Variants in SOX5 observed in about 807,000 individuals in gnomAD.
SOX5 encodes the protein SRY-box transcription factor 5.
In SOX5, 9 loss-of-function variants were observed where a neutral mutation model predicts 92.0. The ratio of observed to expected loss-of-function variants is 0.10; its 90% confidence interval spans 0.06 to 0.17. The LOEUF is 0.17. Ranked by LOEUF, SOX5 falls within the 10% of genes least tolerant of loss-of-function variation. SOX5 has a pLI of 1.00. For missense variants in SOX5, 642 were observed against 944.5 expected (o/e 0.68, Z 4.20); for synonymous variants, 344 against 336.3 (o/e 1.02, Z -0.25).
intron 8 of SOX5, among the ~76,000 whole-genome samples, chr12:23,636,088 C>T (rs545863989): frequency 5.3e-5 from 8 of 152,228 alleles, no homozygotes; most frequent in African/African-American, 1.9e-4. Flanking sequence ...ATTTCCTCTT[C>T]ATAGTCAACA....
chr12:24,487,358 GTTTC>G (rs774552895), intron 1 of SOX5, among the ~76,000 whole-genome samples: 11 of 152,034 alleles, frequency 7.2e-5, no homozygotes, highest in Non-Finnish European at 1.3e-4. Context: ...TTAGGAAAAT[GTTTC>G]TTTATAAGTT....
chr12:24,452,340 T>C (rs982181778), intron 1 of SOX5, among the ~76,000 whole-genome samples: 2 of 152,144 alleles, frequency 1.3e-5, no homozygotes, highest in Admixed American at 1.3e-4. Flanking sequence ...GTTTAAAAAA[T>C]TATCCAACCT....
At chr12:23,770,093 A>G (rs959309993) in intron 3 of SOX5, among the ~76,000 whole-genome samples, 3 of 141,332 alleles carry the variant, frequency 2.1e-5, no homozygotes, top group Non-Finnish European at 4.5e-5. Flanking sequence ...TCACTTTTCA[A>G]TGATTAATTT....
At chr12:24,455,610 G>A (rs1942918956) in intron 1 of SOX5, among the ~76,000 whole-genome samples, 1 of 152,166 alleles carries the variant, frequency 6.6e-6, no homozygotes, top group South Asian at 2.1e-4. Flanking sequence ...CTCCAACTAT[G>A]TGCAGAGATT....
intron 4 of SOX5, among the ~76,000 whole-genome samples, chr12:23,970,841 A>ATATATATATATATATTT: frequency 9.1e-5 from 2 of 21,878 alleles, no homozygotes; most frequent in African/African-American, 2.5e-4. Context: ...TATATATATA[A>ATATATATATATATATTT]TTTTTTTTTT....
At chr12:24,129,882 G>T (rs1483747164) in intron 4 of SOX5, among the ~76,000 whole-genome samples, 1 of 152,120 alleles carries the variant, frequency 6.6e-6, no homozygotes, top group Non-Finnish European at 1.5e-5. Flanking sequence ...TTGTCCATTT[G>T]TTTTATTTTC....
intron 1 of SOX5, among the ~76,000 whole-genome samples, chr12:24,442,727 A>C (rs1940833948): frequency 6.6e-6 from 1 of 152,160 alleles, no homozygotes; most frequent in African/African-American, 2.4e-5. Flanking sequence ...CAAAGAAGTC[A>C]GTGTGGCTGG....
intron 4 of SOX5, among the ~76,000 whole-genome samples, chr12:24,096,658 T>C (rs1945449508): frequency 6.6e-6 from 1 of 152,240 alleles, no homozygotes; most frequent in Admixed American, 6.5e-5. Flanking sequence ...CTGAATAATA[T>C]TACATTGTAT....
At chr12:24,529,858 A>G (rs1243426984) in intron 1 of SOX5, among the ~76,000 whole-genome samples, 1 of 152,104 alleles carries the variant, frequency 6.6e-6, no homozygotes, top group Non-Finnish European at 1.5e-5. Flanking sequence ...TCTCTACTAA[A>G]AAATACAAAA....
chr12:24,307,358 T>C (rs1458120516), intron 2 of SOX5, among the ~76,000 whole-genome samples: 1 of 152,104 alleles, frequency 6.6e-6, no homozygotes, highest in Non-Finnish European at 1.5e-5. Context: ...TTTATACTTG[T>C]ATACACAGAC....
chr12:24,124,158 T>A (rs1259237928), intron 4 of SOX5, among the ~76,000 whole-genome samples: 1 of 152,222 alleles, frequency 6.6e-6, no homozygotes, highest in Non-Finnish European at 1.5e-5. Flanking sequence ...CCACCTGCTG[T>A]CCTGATCCAC....
At chr12:24,386,944 C>T (rs149186211) in intron 1 of SOX5, among the ~76,000 whole-genome samples, 48 of 152,202 alleles carry the variant, frequency 3.2e-4, no homozygotes, top group African/African-American at 1.1e-3. Context: ...CTTCCAAATC[C>T]CACATCCATT....
intron 3 of SOX5, among the ~76,000 whole-genome samples, chr12:23,771,187 C>CAAA (rs376988688): frequency 1.1e-3 from 124 of 108,582 alleles, no homozygotes; most frequent in African/African-American, 2.4e-3. Context: ...AAAAATGGAG[C>CAAA]AAAAAAAAAA....
intron 3 of SOX5, among the ~76,000 whole-genome samples, chr12:24,247,611 A>G (rs1055863207): frequency 1.3e-5 from 2 of 151,564 alleles, no homozygotes; most frequent in Non-Finnish European, 2.9e-5. Flanking sequence ...TCTTTACCCC[A>G]AAGCAATGCA....
intron 4 of SOX5, among the ~76,000 whole-genome samples, chr12:23,971,744 C>T (rs150460787): frequency 1.6e-3 from 238 of 152,048 alleles, no homozygotes; most frequent in African/African-American, 4.8e-3. Flanking sequence ...CCTGTTCATT[C>T]TTTGACCCTT....
chr12:23,801,352 C>T lies in SOX5; in HGVS notation c.481+44631G>A, dbSNP rs1317372711. Among the ~76,000 whole-genome samples, 12 of 152,216 alleles carry T rather than the reference C, an allele frequency of 7.9e-5. No homozygotes were observed. In the East Asian group the frequency reaches 2.3e-3, roughly 29 times the overall value. On this transcript the variant is annotated intron_variant, in intron 3 of 14. Transcript: ENST00000451604. ...AGAAAACAGTGTGACAGTTATAAGG[C>T]CTTCCTTCAATCTTCCAAACCCATT... is the stretch of plus-strand genomic sequence containing the variant.
rs559324352 is a variant in SOX5, at chr12:24,343,096, A to T, written c.-174+25467T>A. 6.6e-5 allele frequency among the ~76,000 whole-genome samples: 10 copies of T among 152,228 alleles called. No individual in the cohort carries two copies. The South Asian group carries it at 2.1e-3, about 32-fold the overall frequency. On this transcript the variant is annotated intron_variant, in intron 2 of 4. Coordinates refer to the SOX5 transcript ENST00000446891. ...CTTCACAAAGAGAATGTAGGGAAGT[A>T]AGGGGTTTGCATTATGGATCTAAAG...
intron 2 of SOX5, among the ~76,000 whole-genome samples, chr12:24,362,409 A>C (rs770922058): frequency 6.6e-6 from 1 of 152,206 alleles, no homozygotes; most frequent in Non-Finnish European, 1.5e-5. Context: ...TTTTAAAATT[A>C]CTGGTCTTGT....
chr12:23,651,445 T>TCATAACATATTCAACTAATTTC, intron 7 of SOX5, among the ~76,000 whole-genome samples: 1 of 152,096 alleles, frequency 6.6e-6, no homozygotes, highest in Non-Finnish European at 1.5e-5. Context: ...ACTTCAATTT[T>TCATAACATATTCAACTAATTTC]CATAACATAT....
Sources: gnomAD v4.1 joint callset for allele counts (sites outside exome capture counted in the v4.1 genomes callset) on GRCh38, gnomAD v4.1.1 for gene constraint, MANE v1.5 for transcripts, NCBI Gene and HGNC (gene_info 2026-07-23, HGNC 2026-07-21) for gene names.